The following WDPCP variants were observed in gnomAD, a reference collection of about 807,000 sequenced individuals.
The protein encoded by WDPCP is WD repeat-containing and planar cell polarity effector protein fritz homolog.
WDPCP carries 71 observed loss-of-function variants against 93.1 expected under a neutral mutation model. The observed-to-expected ratio is 0.76, with a 90% confidence interval of 0.63 to 0.93. The LOEUF (loss-of-function observed/expected upper bound fraction) is 0.93, where lower values mean the gene tolerates loss of function less well. Ranked by LOEUF, WDPCP falls within the 40% of genes least tolerant of loss-of-function variation. The pLI is 0.00. For synonymous variants in WDPCP, 315 were observed against 315.0 expected (o/e 1.00, Z 0.00); for missense variants, 844 against 887.4 (o/e 0.95, Z 0.62).
chr2:63,261,235 T>C (rs896182801), intron 13 of WDPCP, among the ~76,000 whole-genome samples: 56 of 151,280 alleles, frequency 3.7e-4, no homozygotes, highest in African/African-American at 1.4e-3. Context: ...TTCAGCAATA[T>C]ATTTTCTGAT....
chr2:63,380,755 G>C (rs1488986775), intron 11 of WDPCP, among the ~76,000 whole-genome samples: 3 of 151,950 alleles, frequency 2.0e-5, no homozygotes, highest in African/African-American at 7.3e-5. Context: ...AATTTCCCGA[G>C]ATAAATTTTG....
At chr2:63,635,721 C>T (rs1348221818) in intron 3 of WDPCP, among the ~76,000 whole-genome samples, 4 of 152,224 alleles carry the variant, frequency 2.6e-5, no homozygotes, top group South Asian at 4.1e-4. Flanking sequence ...TAATAAAGGC[C>T]GTATATGACA....
intron 12 of WDPCP, among the ~76,000 whole-genome samples, chr2:63,331,035 C>T (rs997395011): frequency 2.6e-5 from 4 of 151,856 alleles, no homozygotes; most frequent in African/African-American, 4.8e-5. Context: ...AGCTAGTTTT[C>T]GTATTTTTAG....
chr2:63,380,822 G>A (rs1018183517), intron 11 of WDPCP, among the ~76,000 whole-genome samples: 1 of 152,062 alleles, frequency 6.6e-6, no homozygotes, highest in Non-Finnish European at 1.5e-5. Flanking sequence ...TGTGGGCCAC[G>A]TGTGACTTGG....
At chr2:63,350,017 A>G (rs1356329185) in intron 12 of WDPCP, among the ~76,000 whole-genome samples, 1 of 152,110 alleles carries the variant, frequency 6.6e-6, no homozygotes, top group Non-Finnish European at 1.5e-5. Context: ...CACTATTCAC[A>G]ACAGCAAAGA....
intron 1 of WDPCP, among the ~76,000 whole-genome samples, chr2:63,818,922 G>A (rs572839610): frequency 1.5e-4 from 23 of 152,154 alleles, no homozygotes; most frequent in Admixed American, 3.9e-4. Flanking sequence ...TTATATGGGT[G>A]CTGGCTGTGT....
rs892690137 is a variant in WDPCP at position 63,545,494 on chromosome 2, T to C, written c.75+42703A>G. ...ATGCAATCAAATCTTCTTTGGATAG[T>C]GTCTATTACCCTCTGTTCTCCAGCA... On this transcript the variant is annotated intron_variant, in intron 1 of 17. Transcript: ENST00000272321. Among the ~76,000 whole-genome samples the C allele has an allele frequency of 9.2e-5, 14 of 152,226 alleles. No homozygotes were observed. In the South Asian group the frequency reaches 2.9e-3, roughly 32 times the overall value.
rs763966729 is a variant in WDPCP at position 63,439,899 on chromosome 2, G to A, written c.385-28C>T. 9.7e-6 allele frequency: 15 copies of A among 1,547,784 alleles called. No homozygotes were observed. The Admixed American group carries it at 1.3e-4, about 14-fold the overall frequency. ...AAAACCAGGTAAGTGGGGGAGAGAG[G>A]GAGGAAGACATGCTGTGATTTAGAA... On this transcript the variant is annotated intron_variant, in intron 6 of 17. Transcript: ENST00000272321.
At chr2:63,686,631 T>A (rs1474463591) in intron 2 of WDPCP, among the ~76,000 whole-genome samples, 1 of 152,140 alleles carries the variant, frequency 6.6e-6, no homozygotes, top group Non-Finnish European at 1.5e-5. Flanking sequence ...TAGCCAAATC[T>A]ATCCTGAGCA....
intron 13 of WDPCP, among the ~76,000 whole-genome samples, chr2:63,292,394 CA>C (rs1684515559): frequency 6.6e-6 from 1 of 151,444 alleles, no homozygotes; most frequent in African/African-American, 2.4e-5. Context: ...CACAACAGAA[CA>C]AAAAATTGTC....
intron 2 of WDPCP, among the ~76,000 whole-genome samples, chr2:63,806,542 T>A (rs1234375098): frequency 6.6e-6 from 1 of 152,164 alleles, no homozygotes; most frequent in South Asian, 2.1e-4. Context: ...GGTTTTGAGA[T>A]CAACCGGTCT....
At chr2:63,385,931 A>G (rs1692695804) in intron 10 of WDPCP, among the ~76,000 whole-genome samples, 2 of 152,182 alleles carry the variant, frequency 1.3e-5, no homozygotes, top group African/African-American at 4.8e-5. Context: ...TAATTCACTA[A>G]AAGACAATAC....
At chr2:63,293,181 T>G (rs527292329) in intron 13 of WDPCP, among the ~76,000 whole-genome samples, 1 of 152,334 alleles carries the variant, frequency 6.6e-6, no homozygotes, top group South Asian at 2.1e-4. Flanking sequence ...TTCATTTTTC[T>G]TTCTTGCCCC....
chr2:63,440,222 A>G (rs1697414445), intron 6 of WDPCP: 1 of 197,032 alleles, frequency 5.1e-6, no homozygotes, highest in Non-Finnish European at 1.1e-5. Flanking sequence ...TTATTTTGAA[A>G]AATTACTATT....
intron 6 of WDPCP, among the ~76,000 whole-genome samples, chr2:63,460,816 C>T (rs1259819485): frequency 6.6e-6 from 1 of 151,534 alleles, no homozygotes; most frequent in Non-Finnish European, 1.5e-5. Flanking sequence ...TTAGTAGAGG[C>T]GGGGTTTCAC....
intron 14 of WDPCP, among the ~76,000 whole-genome samples, chr2:63,194,444 T>C (rs1348138900): frequency 3.3e-5 from 5 of 152,218 alleles, no homozygotes; most frequent in African/African-American, 1.2e-4. Context: ...ATGGAAGTTA[T>C]GCCTTCCTGT....
At chr2:63,157,587 G>T (rs747444183) in intron 15 of WDPCP, among the ~76,000 whole-genome samples, 2 of 152,102 alleles carry the variant, frequency 1.3e-5, no homozygotes, top group Admixed American at 6.6e-5. Flanking sequence ...GGATTCAGAT[G>T]ATCTCTTTCA....
intron 1 of WDPCP, among the ~76,000 whole-genome samples, chr2:63,824,482 AG>A (rs1671081137): frequency 7.7e-6 from 1 of 130,086 alleles, no homozygotes; most frequent in Non-Finnish European, 1.5e-5. Flanking sequence ...CAGGAGGTCC[AG>A]GCTGCTGTAA....
intron 6 of WDPCP, among the ~76,000 whole-genome samples, chr2:63,483,076 A>C (rs1027276197): frequency 6.6e-6 from 1 of 151,938 alleles, no homozygotes; most frequent in African/African-American, 2.4e-5. Context: ...ATTAAACTCT[A>C]TCTAAAAAGG....
Sources: allele counts gnomAD v4.1 joint callset (sites outside exome capture counted in the v4.1 genomes callset), GRCh38; gene constraint gnomAD v4.1.1; transcripts MANE v1.5; gene names NCBI Gene and HGNC (gene_info 2026-07-23, HGNC 2026-07-21).